The following UBASH3B variants were observed in gnomAD, a reference collection of about 807,000 sequenced individuals.
The protein encoded by UBASH3B is ubiquitin-associated and SH3 domain-containing protein B.
UBASH3B carries 37 observed loss-of-function variants against 83.4 expected under a neutral mutation model. The ratio of observed to expected loss-of-function variants is 0.44; its 90% CI spans 0.34 to 0.58. The LOEUF is 0.58. Among genes scored for constraint, UBASH3B ranks in the 20% least tolerant of loss-of-function variants. The pLI is 0.01. For synonymous variants in UBASH3B, 304 were observed against 318.3 expected, an observed-to-expected ratio of 0.96 and a Z score of 0.48; for missense variants, 657 against 827.2, an observed-to-expected ratio of 0.79 and a Z score of 2.52.
intron 6 of UBASH3B, 127 bp downstream of exon 6, chr11:122,789,435 G>A: frequency 9.5e-7 from 1 of 1,048,130 alleles, no homozygotes; most frequent in Non-Finnish European, 1.4e-6. Context: ...AGAATTCCAG[G>A]AAAGGAGCTG....
Position 122,801,264 on chromosome 11 carries a change from C to G in UBASH3B, c.1527C>G (p.Ser509Arg). The change falls in exon 11 of 14, where the codon AGC (serine) becomes AGG (arginine). Residue 509 changes from serine (S) to arginine (R), a missense_variant. By Grantham distance (110) the Ser-to-Arg change is moderately radical. This residue lies in a region of UBASH3B where 573 missense variants were observed against 739.0 expected (regional missense o/e 0.78). Coordinates refer to ENST00000284273, the MANE Select transcript of UBASH3B (RefSeq NM_032873.5). ...AGTGGACAAAATGGGTTGCTGGGAG[C>G]ACATTACCTGCATGGATACCTCCAT... ...LFEWTKWVAGSTLPAWIPPSE... is the reference protein window; with the variant it reads ...LFEWTKWVAGRTLPAWIPPSE... 2 of 1,614,168 alleles carry G rather than the reference C, an allele frequency of 1.2e-6. No homozygotes were observed. The highest frequency in any genetic ancestry group is 1.7e-6 in the Non-Finnish European group (2 of 1,180,022).
intron 1 of UBASH3B, among the ~76,000 whole-genome samples, chr11:122,694,456 A>C (rs930459187): frequency 6.6e-6 from 1 of 152,154 alleles, no homozygotes; most frequent in African/African-American, 2.4e-5. Context: ...GCTACTCAGG[A>C]AGCTGGGGTG....
In UBASH3B at chr11:122,758,945, G is replaced by A. The variant is rs545397088; in HGVS notation, c.162-17274G>A. Among the ~76,000 whole-genome samples the A allele has an allele frequency of 7.9e-5, 12 of 152,220 alleles. No individual in the cohort carries two copies. The highest frequency in any genetic ancestry group is 1.6e-4 in the Non-Finnish European group (11 of 68,008). The stretch of plus-strand genomic sequence containing the variant: ...CTATTTCACTCTTCCTGAAAAGCTA[G>A]GTGTTTTCACTTTTTATGACTCAGC... On this transcript the variant is annotated intron_variant, in intron 1 of 13. Coordinates refer to ENST00000284273, the MANE Select transcript of UBASH3B (RefSeq NM_032873.5). This position sits in a 1 kb window ranked among gnomAD's most constrained non-coding sequence, Gnocchi z 4.2.
intron 1 of UBASH3B, among the ~76,000 whole-genome samples, chr11:122,750,961 T>C (rs1861189450): frequency 6.6e-6 from 1 of 152,138 alleles, no homozygotes; most frequent in South Asian, 2.1e-4. Context: ...CTGAGAAAGG[T>C]GCATTGAACA....
In UBASH3B at chr11:122,808,130, G is replaced by C. The variant is rs753808342; in HGVS notation, c.1766G>C (p.Gly589Ala). Residue 589 changes from glycine (G) to alanine (A), a missense_variant, in exon 13 of 14, where the codon GGC becomes GCC. Gly to Ala is a moderately conservative substitution (Grantham distance 60, BLOSUM62 0). Transcript: ENST00000284273. The part of the protein sequence containing the change: ...SLEACTCQLQ[G>A]LSPQNSKDFV... ...GAAGCGTGTACCTGCCAACTTCAGGGCCTGTCACCTCAGAACTCCAAGGAC... is the reference window on the plus strand; with the variant it reads ...GAAGCGTGTACCTGCCAACTTCAGGCCCTGTCACCTCAGAACTCCAAGGAC... The C allele has an allele frequency of 3.1e-6, 5 of 1,614,112 alleles. No individual in the cohort carries two copies. The highest frequency in any genetic ancestry group is 4.2e-6 in the Non-Finnish European group (5 of 1,180,010).
chr11:122,660,717 G>A (rs570961549), intron 1 of UBASH3B, among the ~76,000 whole-genome samples: 1 of 152,288 alleles, frequency 6.6e-6, no homozygotes, highest in African/African-American at 2.4e-5. Context: ...TGAATTGGAG[G>A]AATCCTTGCT....
At chr11:122,722,135 G>A (rs1591786266) in intron 1 of UBASH3B, among the ~76,000 whole-genome samples, 1 of 152,242 alleles carries the variant, frequency 6.6e-6, no homozygotes, top group Non-Finnish European at 1.5e-5. Context: ...CAGTAGACAA[G>A]TTGTATCACA....
At chr11:122,779,875 T>A (rs1010798826) in intron 4 of UBASH3B, among the ~76,000 whole-genome samples, 180 bp downstream of exon 4, 1 of 152,198 alleles carries the variant, frequency 6.6e-6, no homozygotes, top group Non-Finnish European at 1.5e-5. Context: ...TGCTCCCTTG[T>A]AAAAACGTTC....
chr11:122,737,630 A>G (rs886311752), intron 1 of UBASH3B, among the ~76,000 whole-genome samples: 4 of 151,470 alleles, frequency 2.6e-5, no homozygotes, highest in Non-Finnish European at 2.9e-5. Context: ...TTCATTCTGC[A>G]TGAATGAAAC....
chr11:122,735,209 C>T (rs958236568), intron 1 of UBASH3B, among the ~76,000 whole-genome samples: 6 of 152,136 alleles, frequency 3.9e-5, no homozygotes, highest in Non-Finnish European at 8.8e-5. Context: ...ATATATTTCT[C>T]GTTTGTTTAT....
Position 122,779,549 on chromosome 11 carries a change from G to C in UBASH3B, c.455G>C (p.Ser152Thr). The change falls in exon 4 of 14, where the codon AGT becomes ACT. Residue 152 changes from serine to threonine, a missense_variant. This residue lies in a region of UBASH3B where 573 missense variants were observed against 739.0 expected (regional missense o/e 0.78). Coordinates refer to ENST00000284273, the MANE Select transcript of UBASH3B (RefSeq NM_032873.5). ...ALGEALQTTV[S>T]RWKCKFSAPL... is the part of the protein sequence containing the mutation. The stretch of plus-strand genomic sequence containing the variant: ...GGGGAAGCCCTGCAGACCACGGTCA[G>C]TCGCTGGAAATGTAAGTTCTCGGCC... 1 of 1,614,164 alleles carries C rather than the reference G, an allele frequency of 6.2e-7. No homozygotes were observed.
At chr11:122,755,314 A>G (rs749558340) in intron 1 of UBASH3B, among the ~76,000 whole-genome samples, 1 of 152,276 alleles carries the variant, frequency 6.6e-6, no homozygotes, top group Admixed American at 6.5e-5. Context: ...CACCTCGCCC[A>G]TGCAGAAGGC....
chr11:122,801,742 G>GTTTAT (rs1483687084), intron 11 of UBASH3B, among the ~76,000 whole-genome samples: 3 of 152,044 alleles, frequency 2.0e-5, no homozygotes, highest in African/African-American at 7.2e-5. Flanking sequence ...TATTATCTTT[G>GTTTAT]TTTATTATTG....
intron 1 of UBASH3B, among the ~76,000 whole-genome samples, chr11:122,688,272 C>CCGTT (rs1385834125): frequency 6.6e-6 from 1 of 151,558 alleles, no homozygotes; most frequent in African/African-American, 2.4e-5. Context: ...TCCCTTCCTC[C>CCGTT]CCTTCCTTCC....
intron 1 of UBASH3B, among the ~76,000 whole-genome samples, chr11:122,714,297 T>C (rs923621109): frequency 1.5e-4 from 23 of 152,238 alleles, no homozygotes; most frequent in Non-Finnish European, 1.9e-4. Flanking sequence ...AAGACTGCGC[T>C]TGAACTCCTC....
At chr11:122,709,475 G>C (rs1864163611) in intron 1 of UBASH3B, 1 of 152,236 alleles carries the variant, frequency 6.6e-6, no homozygotes, top group Non-Finnish European at 1.5e-5. Context: ...GTATTGCGTG[G>C]TAAGCGAGCT....
In UBASH3B at chr11:122,664,998, C is replaced by T. The variant is rs1243747947; in HGVS notation, c.161+8788C>T. Reference sequence around the variant, plus strand: ...ATCTCAGCTCACTGCAAGCTCCGCCCCCCGGGTTCACTTCATTCTCCTGCC... The same window carrying T: ...ATCTCAGCTCACTGCAAGCTCCGCCTCCCGGGTTCACTTCATTCTCCTGCC... On this transcript the variant is annotated intron_variant, in intron 1 of 13. Coordinates refer to ENST00000284273, the MANE Select transcript of UBASH3B (RefSeq NM_032873.5). Among the ~76,000 whole-genome samples the T allele has an allele frequency of 2.0e-5, 3 of 152,302 alleles. No homozygotes were observed. The East Asian group carries it at 5.8e-4, about 29-fold the overall frequency.
At chr11:122,794,093 T>C (rs1861108150) in intron 6 of UBASH3B, among the ~76,000 whole-genome samples, 1 of 152,208 alleles carries the variant, frequency 6.6e-6, no homozygotes, top group Non-Finnish European at 1.5e-5. Flanking sequence ...TTGTCTTTGG[T>C]GCCAACCATG....
In UBASH3B at chr11:122,796,260, G is replaced by A. The variant is rs150961389; in HGVS notation, c.1218G>A (p.Gln406=). The A allele has an allele frequency of 1.9e-6, 3 of 1,614,160 alleles. No individual in the cohort carries two copies. The highest frequency in any genetic ancestry group is 2.5e-6 in the Non-Finnish European group (3 of 1,179,994). Residue 406 remains glutamine, a synonymous_variant, in exon 8 of 14, where the codon CAG becomes CAA. Coordinates refer to ENST00000284273, the MANE Select transcript of UBASH3B (RefSeq NM_032873.5). ...DVVFGKYWLS[Q]CFDAKGRYIR... is the part of the protein sequence containing the mutation. Reference sequence around the variant, plus strand: ...TGTTTGGGAAGTACTGGCTGTCCCAGTGCTTCGATGCCAAAGGTGAGTTGG... The same window carrying A: ...TGTTTGGGAAGTACTGGCTGTCCCAATGCTTCGATGCCAAAGGTGAGTTGG...
Sources: gnomAD v4.1 joint callset for allele counts (sites outside exome capture counted in the v4.1 genomes callset) on GRCh38, gnomAD v4.1.1 for gene constraint, gnomAD v4.1.1 regional missense constraint, Gnocchi (gnomAD v3.1) non-coding constraint, MANE v1.5 for transcripts, NCBI Gene and HGNC (gene_info 2026-07-23, HGNC 2026-07-21) for gene names.